Variants in MUCL3 observed in about 807,000 individuals in gnomAD.
The protein encoded by MUCL3 is mucin-like protein 3.
MUCL3 carries 42 observed loss-of-function variants against 70.2 expected under a neutral mutation model. That is an observed-to-expected ratio of 0.60 (90% confidence interval 0.47 to 0.77). MUCL3 has a LOEUF of 0.77. MUCL3 is among the 30% of genes least tolerant of loss of function. MUCL3 has a pLI of 0.00. For missense variants in MUCL3, 1,429 were observed against 1,670.0 expected (o/e 0.86, Z 2.52); for synonymous variants, 522 against 647.0 (o/e 0.81, Z 2.93).
At position 30,950,703 on chromosome 6, in the gene MUCL3, A is replaced by G. The variant is rs1191625806; in HGVS notation, c.2239A>G (p.Thr747Ala). Residue 747 changes from threonine to alanine, a missense_variant, in exon 2 of 3, where the codon ACA becomes GCA. By Grantham distance (58) the Thr-to-Ala change is moderately conservative (BLOSUM62 0). Coordinates refer to ENST00000462446, the MANE Select transcript of MUCL3 (RefSeq NM_080870.4). Reference sequence around the variant, plus strand: ...AGAGCCTACAGAAAATAGAGAAAGGACAGCCAATGAGAACACCACACCATC... The same window carrying G: ...AGAGCCTACAGAAAATAGAGAAAGGGCAGCCAATGAGAACACCACACCATC... ...PAEPTENRERTANENTTPSPA... is the reference protein window; with the variant it reads ...PAEPTENRERAANENTTPSPA... The G allele has an allele frequency of 3.2e-6, 5 of 1,550,590 alleles. No homozygotes were observed. The highest frequency in any genetic ancestry group is 1.4e-5 in the African/African-American group (1 of 72,532).
At position 30,950,310 on chromosome 6, in the gene MUCL3, A is replaced by G. The variant is rs976679405; in HGVS notation, c.1846A>G (p.Thr616Ala). 6 of 1,549,664 alleles carry G rather than the reference A, an allele frequency of 3.9e-6. No homozygotes were observed. The African/African-American group carries it at 8.3e-5, about 21-fold the overall frequency. ...GACTCCACTGGCCAATGAGAACACC[A>G]CACCATCCCCGGCAGAGCCTACAGA... Reference protein sequence around the residue: ...ERTPLANENTTPSPAEPTENR... With the variant: ...ERTPLANENTAPSPAEPTENR... Residue 616 changes from threonine (T) to alanine (A), a missense_variant, in exon 2 of 3, where the codon ACA (threonine) becomes GCA (alanine). Transcript: ENST00000462446.
At chr6:30,943,326 C>T (rs1582244813) in intron 1 of MUCL3, among the ~76,000 whole-genome samples, 2 of 152,180 alleles carry the variant, frequency 1.3e-5, no homozygotes, top group South Asian at 4.1e-4. Flanking sequence ...GGCATAGGTG[C>T]AGTCCAGATT....
At chr6:30,946,188 G>A (rs1223108224) in intron 1 of MUCL3, 2 of 152,284 alleles carry the variant, frequency 1.3e-5, no homozygotes, top group Non-Finnish European at 2.9e-5. Context: ...ACAGGGCAAA[G>A]CACGAGATTA....
In MUCL3 at chr6:30,945,742, C is replaced by T. The variant is rs1795753771; in HGVS notation, c.83-2805C>T. On this transcript the variant is annotated intron_variant, in intron 1 of 2. Coordinates refer to ENST00000462446, the MANE Select transcript of MUCL3 (RefSeq NM_080870.4). ...GGCTGAGGTGGGCAGATCATGAGGT[C>T]AGGAGATCGAGACCATCCTGGCTAA... is the stretch of plus-strand genomic sequence containing the variant. 2.0e-5 allele frequency among the ~76,000 whole-genome samples: 3 copies of T among 152,130 alleles called. No homozygotes were observed. In the South Asian group the frequency reaches 6.2e-4, roughly 31 times the overall value.
Position 30,950,774 on chromosome 6 carries a change from T to C in MUCL3, c.2310T>C (p.Asn770=). The C allele has an allele frequency of 6.5e-7, 1 of 1,543,316 alleles. No individual in the cohort carries two copies. The highest frequency in any genetic ancestry group is 1.7e-4 in the Middle Eastern group (1 of 5,940). The change falls in exon 2 of 3, where the codon AAT becomes AAC. Residue 770 remains asparagine, a synonymous_variant. Coordinates refer to ENST00000462446, the MANE Select transcript of MUCL3 (RefSeq NM_080870.4). ...TENGDRTPLA[N]EKTTPSLAEP... ...ATGGAGACAGGACTCCATTGGCCAATGAGAAGACCACACCATCTCTAGCAG... is the reference window on the plus strand; with the variant it reads ...ATGGAGACAGGACTCCATTGGCCAACGAGAAGACCACACCATCTCTAGCAG...
rs1760755488 is a variant in MUCL3 at position 30,952,389 on chromosome 6, ATC to A, written c.3926_3927del (p.Ile1309ThrfsTer9). On this transcript the variant is annotated frameshift_variant, in exon 2 of 3. Coordinates refer to ENST00000462446, the MANE Select transcript of MUCL3 (RefSeq NM_080870.4). LOFTEE classifies it high-confidence loss of function. ...YLNKDGSQKG[I>X]HAGQMGENDS... is the part of the protein sequence containing the mutation. ...CAATAAAGATGGCTCACAGAAAGGTATCCACGCTGGACAGATGGGAGAGAATG... is the reference window on the plus strand; with the variant it reads ...CAATAAAGATGGCTCACAGAAAGGTACACGCTGGACAGATGGGAGAGAATG... 2.5e-6 allele frequency: 4 copies of A among 1,614,232 alleles called. No homozygotes were observed. Among genetic ancestry groups the A allele is most frequent in the Non-Finnish European group, 3.4e-6 (4 of 1,180,042 alleles).
intron 1 of MUCL3, among the ~76,000 whole-genome samples, chr6:30,941,853 A>G (rs745408244): frequency 2.2e-4 from 34 of 152,240 alleles, no homozygotes; most frequent in Non-Finnish European, 4.0e-4. Context: ...ATTATGTCCC[A>G]TATCTCACAG....
At chr6:30,941,390 T>G (rs201366826) in intron 1 of MUCL3, among the ~76,000 whole-genome samples, 1 of 152,014 alleles carries the variant, frequency 6.6e-6, no homozygotes, top group South Asian at 2.1e-4. Flanking sequence ...CTGACATTCA[T>G]TGAGCACCGT....
intron 1 of MUCL3, among the ~76,000 whole-genome samples, chr6:30,942,541 T>A (rs1218094123): frequency 6.6e-6 from 1 of 152,150 alleles, no homozygotes; most frequent in African/African-American, 2.4e-5. Context: ...TGAATGGCGA[T>A]GACTGAGGAA....
At chr6:30,947,425 T>C (rs1438986383) in intron 1 of MUCL3, among the ~76,000 whole-genome samples, 1 of 152,130 alleles carries the variant, frequency 6.6e-6, no homozygotes, top group Non-Finnish European at 1.5e-5. Context: ...TGATTGGGAA[T>C]AGGTCCAGGT....
chr6:30,949,020 G>A lies in MUCL3; in HGVS notation c.556G>A (p.Gly186Arg). 5 of 1,551,632 alleles carry A rather than the reference G, an allele frequency of 3.2e-6. No homozygotes were observed. Among genetic ancestry groups the A allele is most frequent in the Non-Finnish European group, 4.4e-6 (5 of 1,146,986 alleles). Residue 186 changes from glycine to arginine, a missense_variant, in exon 2 of 3, where the codon GGA (glycine) becomes AGA (arginine). Physicochemically the swap from Gly to Arg is moderately radical, Grantham distance 125 (BLOSUM62 -2). Coordinates refer to ENST00000462446, the MANE Select transcript of MUCL3 (RefSeq NM_080870.4). ...GGTAACAAGAAAATCAGATAAAACT[G>A]GAAGACCTTTGGAAAAGTCCATGAG... Reference protein sequence around the residue: ...STVTRKSDKTGRPLEKSMSTL... With the variant: ...STVTRKSDKTRRPLEKSMSTL...
Position 30,950,629 on chromosome 6 carries a change from C to G in MUCL3, c.2165C>G (p.Thr722Arg), listed in dbSNP as rs950256912. Residue 722 changes from threonine (T) to arginine (R), a missense_variant, in exon 2 of 3, where the codon ACA becomes AGA. Thr to Arg is a moderately conservative substitution (Grantham distance 71). Coordinates refer to ENST00000462446, the MANE Select transcript of MUCL3 (RefSeq NM_080870.4). The stretch of plus-strand genomic sequence containing the variant: ...ACCACACTATCCCCAGCAGAGCCTA[C>G]AGAAAATAGAGAAAGGACAGCCAAT... ...ENTTLSPAEP[T>R]ENRERTANEK... 4.6e-6 allele frequency: 7 copies of G among 1,535,990 alleles called. No homozygotes were observed. The highest frequency in any genetic ancestry group is 6.2e-6 in the Non-Finnish European group (7 of 1,135,834).
chr6:30,952,119 A>G lies in MUCL3; in HGVS notation c.3655A>G (p.Thr1219Ala). ...AAACCTGGGGAACACCACACTGACC[A>G]CTGAGACCATAAAAGCCCCAGTAAA... ...TENLGNTTLT[T>A]ETIKAPVKST... The change falls in exon 2 of 3, where the codon ACT becomes GCT. Residue 1219 changes from threonine to alanine, a missense_variant. Physicochemically the swap from Thr to Ala is moderately conservative, Grantham distance 58 (BLOSUM62 0). Transcript: ENST00000462446. The G allele has an allele frequency of 6.2e-7, 1 of 1,612,566 alleles. No homozygotes were observed. The highest frequency in any genetic ancestry group is 8.5e-7 in the Non-Finnish European group (1 of 1,179,640).
In MUCL3 at chr6:30,950,906, C is replaced by T; in HGVS notation, c.2442C>T (p.Asn814=). The T allele has an allele frequency of 1.3e-6, 2 of 1,547,158 alleles. No individual in the cohort carries two copies. The highest frequency in any genetic ancestry group is 1.7e-6 in the Non-Finnish European group (2 of 1,146,128). ...HAERTPLANE[N]TTSSPAEPTE... ...AAAGGACTCCACTGGCCAATGAGAA[C>T]ACCACATCATCCCCAGCAGAGCCTA... Residue 814 remains asparagine (N), a synonymous_variant, in exon 2 of 3, where the codon AAC becomes AAT. Coordinates refer to ENST00000462446, the MANE Select transcript of MUCL3 (RefSeq NM_080870.4).
At position 30,951,779 on chromosome 6, in the gene MUCL3, A is replaced by C; in HGVS notation, c.3315A>C (p.Thr1105=). ...TCACACCATCCCTAGCAAAGCCTAC[A>C]GAACATGGAGAAAGGACCACATCAC... ...EKITPSLAKP[T]EHGERTTSPN... is the part of the protein sequence containing the mutation. The change falls in exon 2 of 3, where the codon ACA becomes ACC. Residue 1105 remains threonine, a synonymous_variant. Coordinates refer to ENST00000462446, the MANE Select transcript of MUCL3 (RefSeq NM_080870.4). The C allele has an allele frequency of 6.4e-7, 1 of 1,557,686 alleles. No individual in the cohort carries two copies. The highest frequency in any genetic ancestry group is 8.7e-7 in the Non-Finnish European group (1 of 1,150,836).
intron 1 of MUCL3, among the ~76,000 whole-genome samples, chr6:30,947,180 T>C (rs1012906198): frequency 6.6e-6 from 1 of 152,130 alleles, no homozygotes; most frequent in Non-Finnish European, 1.5e-5. Context: ...AGGTGTCCAA[T>C]AAACAATAGC....
At position 30,949,369 on chromosome 6, in the gene MUCL3, C is replaced by T; in HGVS notation, c.905C>T (p.Ala302Val). Residue 302 changes from alanine (A) to valine (V), a missense_variant, in exon 2 of 3, where the codon GCA (alanine) becomes GTA (valine). Ala to Val is a moderately conservative substitution (Grantham distance 64). Coordinates refer to ENST00000462446, the MANE Select transcript of MUCL3 (RefSeq NM_080870.4). ...AATGAGAACAACACACCATCCCCAG[C>T]AGAGCCTACAGAAAATAGAGAAAGG... The part of the protein sequence containing the change: ...TANENNTPSP[A>V]EPTENRERTA... 6.4e-7 allele frequency: 1 copy of T among 1,551,686 alleles called. No homozygotes were observed. The highest frequency in any genetic ancestry group is 8.7e-7 in the Non-Finnish European group (1 of 1,146,950).
At chr6:30,946,614 G>C (rs542177910) in intron 1 of MUCL3, among the ~76,000 whole-genome samples, 1 of 152,270 alleles carries the variant, frequency 6.6e-6, no homozygotes, top group Non-Finnish European at 1.5e-5. Context: ...TCACTTCACA[G>C]GTTCATAATT....
At position 30,952,967 on chromosome 6, in the gene MUCL3, A is replaced by G. The variant is rs765043711; in HGVS notation, c.4036-4A>G. ...TCATTCCTCCTTTCTCATCCCAATC[A>G]CAGGTCTCCTATATGATGCGGACAC... On this transcript the variant is annotated splice_region_variant and splice_polypyrimidine_tract_variant and intron_variant, in intron 2 of 2. Coordinates refer to ENST00000462446, the MANE Select transcript of MUCL3 (RefSeq NM_080870.4). The G allele has an allele frequency of 1.5e-5, 25 of 1,613,562 alleles. No individual in the cohort carries two copies. In the South Asian group the frequency reaches 2.6e-4, roughly 17 times the overall value.
Sources: gnomAD v4.1 joint callset for allele counts (sites outside exome capture counted in the v4.1 genomes callset) on GRCh38, gnomAD v4.1.1 for gene constraint, MANE v1.5 for transcripts, NCBI Gene and HGNC (gene_info 2026-07-23, HGNC 2026-07-21) for gene names.